The following RBBP8 variants were observed in gnomAD, a reference collection of about 807,000 sequenced individuals.
RBBP8 encodes RB binding protein 8, endonuclease, also known as DNA endonuclease RBBP8.
Under a neutral mutation model 108.3 loss-of-function variants are expected in RBBP8, and 88 were observed. The observed-to-expected ratio is 0.81, with a 90% CI of 0.68 to 0.97. The LOEUF is 0.97. Among genes scored for constraint, RBBP8 ranks in the 50% least tolerant of loss-of-function variants. The pLI, the probability that RBBP8 is intolerant of heterozygous loss-of-function variation, is 0.00. For missense variants in RBBP8, 1,023 were observed against 1,049.0 expected, an observed-to-expected ratio of 0.98 and a Z score of 0.34; for synonymous variants, 332 against 348.2, an observed-to-expected ratio of 0.95 and a Z score of 0.52.
intron 5 of RBBP8, among the ~76,000 whole-genome samples, chr18:22,971,765 C>T (rs900387101): frequency 6.6e-6 from 1 of 150,792 alleles, no homozygotes; most frequent in Non-Finnish European, 1.5e-5. Context: ...CCTGCCTCAA[C>T]CTCCCAAGTA....
intron 4 of RBBP8, among the ~76,000 whole-genome samples, chr18:22,953,675 C>G (rs1427588369): frequency 1.3e-5 from 2 of 152,008 alleles, no homozygotes; most frequent in Non-Finnish European, 2.9e-5. Flanking sequence ...GAGAAGAAAT[C>G]AGTGGATGAG....
intron 17 of RBBP8, 102 bp downstream of exon 17, chr18:23,017,026 A>G: frequency 2.1e-6 from 2 of 936,620 alleles, no homozygotes; most frequent in Non-Finnish European, 3.3e-6. Flanking sequence ...GGTTATAGAA[A>G]CCTCTTATTT....
rs745997283 is a variant in RBBP8 at position 22,992,772 on chromosome 18, T to C, written c.945T>C (p.Thr315=). ...SLRFSDSTSK[T]PPQEELPTRV... ...GATTTTCAGATTCTACTTCAAAGAC[T>C]CCTCCTCAAGAAGAATTACCTACTC... Residue 315 remains threonine, a synonymous_variant, in exon 11 of 19, where the codon ACT becomes ACC. Transcript: ENST00000327155. 6.3e-7 allele frequency: 1 copy of C among 1,594,300 alleles called. No homozygotes were observed. Among genetic ancestry groups the C allele is most frequent in the African/African-American group, 1.3e-5 (1 of 74,432 alleles).
intron 2 of RBBP8, among the ~76,000 whole-genome samples, chr18:22,940,511 G>C (rs968214089): frequency 6.6e-6 from 1 of 151,728 alleles, no homozygotes; most frequent in Admixed American, 6.6e-5. Context: ...TAGTAGAGAC[G>C]GGGTTTCACT....
At chr18:22,977,586 G>A (rs1343593790) in intron 6 of RBBP8, among the ~76,000 whole-genome samples, 1 of 152,074 alleles carries the variant, frequency 6.6e-6, no homozygotes, top group Non-Finnish European at 1.5e-5. Context: ...AAGGACTGTA[G>A]AACTCATTGC....
chr18:22,961,288 A>G (rs1208988687), intron 4 of RBBP8, among the ~76,000 whole-genome samples: 1 of 152,230 alleles, frequency 6.6e-6, no homozygotes, highest in Non-Finnish European at 1.5e-5. Flanking sequence ...TTAAAAGCCA[A>G]GCATGAGTGG....
chr18:22,956,672 A>G (rs1912578265), intron 4 of RBBP8, among the ~76,000 whole-genome samples: 1 of 152,158 alleles, frequency 6.6e-6, no homozygotes, highest in African/African-American at 2.4e-5. Context: ...AATTCAGCCT[A>G]CTCTTCATAA....
chr18:22,918,825 C>T (rs1200016575), intron 3 of RBBP8, among the ~76,000 whole-genome samples: 1 of 152,098 alleles, frequency 6.6e-6, no homozygotes, highest in Non-Finnish European at 1.5e-5. Flanking sequence ...GTTTCCCAGG[C>T]TGATCTTGAA....
intron 16 of RBBP8, among the ~76,000 whole-genome samples, chr18:23,012,407 C>G (rs1201326420): frequency 1.3e-5 from 2 of 152,094 alleles, no homozygotes; most frequent in Non-Finnish European, 2.9e-5. Context: ...AAGGAAAGTT[C>G]TTGAAGAAAA....
intron 16 of RBBP8, among the ~76,000 whole-genome samples, chr18:23,011,613 G>GT (rs1021197645): frequency 3.3e-5 from 5 of 151,658 alleles, no homozygotes; most frequent in African/African-American, 1.2e-4. Flanking sequence ...ATTTTTTTGT[G>GT]TTTTTTTAGT....
chr18:22,946,550 G>C (rs1008170052), intron 3 of RBBP8, 64 bp downstream of exon 3: 1 of 1,597,694 alleles, frequency 6.3e-7, no homozygotes, highest in African/African-American at 1.3e-5. Flanking sequence ...TGTCCAATTT[G>C]ACATTCATAG....
In RBBP8 at chr18:23,026,231, G is replaced by A. The variant is rs1349929041; in HGVS notation, c.2685G>A (p.Gln895=). 2 of 1,613,000 alleles carry A rather than the reference G, an allele frequency of 1.2e-6. No individual in the cohort carries two copies. Among genetic ancestry groups the A allele is most frequent in the Non-Finnish European group, 1.7e-6 (2 of 1,179,112 alleles). The stretch of plus-strand genomic sequence containing the variant: ...TATTTTCTCCAAAAGGCAAGGAGCA[G>A]AAGACATAGACGTTGAAACAGAAAC... ...NAIFSPKGKE[Q]KT Residue 895 remains glutamine, a synonymous_variant, in exon 19 of 19, where the codon CAG becomes CAA. Coordinates refer to ENST00000327155, the MANE Select transcript of RBBP8 (RefSeq NM_002894.3).
At chr18:23,015,959 G>A (rs1214722457) in intron 16 of RBBP8, among the ~76,000 whole-genome samples, 1 of 152,058 alleles carries the variant, frequency 6.6e-6, no homozygotes, top group Non-Finnish European at 1.5e-5. Flanking sequence ...ACCCAGGCTA[G>A]AGTGCAGTGG....
intron 7 of RBBP8, among the ~76,000 whole-genome samples, chr18:22,984,010 G>T (rs1915141737): frequency 6.6e-6 from 1 of 152,158 alleles, no homozygotes; most frequent in African/African-American, 2.4e-5. Flanking sequence ...GAACCCTGGA[G>T]GTGGAGGTTG....
intron 16 of RBBP8, among the ~76,000 whole-genome samples, chr18:23,007,599 G>T (rs562292538): frequency 1.3e-5 from 2 of 150,014 alleles, no homozygotes; most frequent in East Asian, 4.2e-4. Flanking sequence ...CGCTACTCAG[G>T]AGGCAGGAGA....
chr18:22,982,388 CA>C lies in RBBP8; in HGVS notation c.602del (p.Asn201MetfsTer3). 1.2e-6 allele frequency: 2 copies of C among 1,613,894 alleles called. No homozygotes were observed. Among genetic ancestry groups the C allele is most frequent in the Non-Finnish European group, 1.7e-6 (2 of 1,179,944 alleles). ...ACTAAATTGGAGCACTCTGTGTGTG[CA>C]AATGGTAAGAGTTGGAGTTGTATTT... ...THTKLEHSVCANEMRKVSKSS... is the reference protein window; with the variant it reads ...THTKLEHSVCXNEMRKVSKSS... On this transcript the variant is annotated frameshift_variant, in exon 7 of 19. Transcript: ENST00000327155. LOFTEE classifies it high-confidence loss of function.
At chr18:22,986,627 G>C (rs75637125) in intron 8 of RBBP8, among the ~76,000 whole-genome samples, 71 of 152,176 alleles carry the variant, frequency 4.7e-4, no homozygotes, top group Non-Finnish European at 9.1e-4. Context: ...CAAGTAAATA[G>C]GAGAAAATTA....
chr18:22,967,365 CAA>C (rs200892497), intron 4 of RBBP8, among the ~76,000 whole-genome samples: 3 of 108,230 alleles, frequency 2.8e-5, no homozygotes, highest in Non-Finnish European at 1.8e-5. Context: ...GACTCCGTCT[CAA>C]AAAAAAAAAA....
intron 16 of RBBP8, among the ~76,000 whole-genome samples, chr18:23,011,073 G>C (rs1381929869): frequency 6.6e-6 from 1 of 152,130 alleles, no homozygotes; most frequent in Non-Finnish European, 1.5e-5. Context: ...CTAATTCACA[G>C]ATCACACCAG....
Sources: allele counts gnomAD v4.1 joint callset (sites outside exome capture counted in the v4.1 genomes callset), GRCh38; gene constraint gnomAD v4.1.1; transcripts MANE v1.5; gene names NCBI Gene and HGNC (gene_info 2026-07-23, HGNC 2026-07-21).